The following SPEM2 variants were observed in gnomAD, a reference collection of about 807,000 sequenced individuals.
The protein encoded by SPEM2 is SPEM family member 2.
In SPEM2, 15 loss-of-function variants were observed where a neutral mutation model predicts 9.3. The ratio of observed to expected loss-of-function variants is 1.62; its 90% CI spans 1.08 to 2.50. The LOEUF (loss-of-function observed/expected upper bound fraction) is 2.50, where lower values mean the gene tolerates loss of function less well. Ranked by LOEUF, SPEM2 falls within the 30% of genes most tolerant of loss-of-function variation. The pLI, the probability that SPEM2 is intolerant of heterozygous loss-of-function variation, is 0.00. For synonymous variants in SPEM2, 268 were observed against 272.4 expected (o/e 0.98, Z 0.16); for missense variants, 678 against 690.0 (o/e 0.98, Z 0.19).
rs576664450 is a variant in SPEM2, at chr17:7,426,787, C to T, written c.796C>T (p.Arg266Ter). Residue 266 changes from arginine to a stop codon, truncating the protein, a stop_gained, in exon 3 of 3, where the codon CGA becomes TGA. Coordinates refer to ENST00000333870, the MANE Select transcript of SPEM2 (RefSeq NM_175734.5). LOFTEE classifies it low-confidence loss of function (END_TRUNC). This position sits in a 1 kb window ranked among gnomAD's most constrained non-coding sequence, Gnocchi z 5.3. ...QSYGRHGSQS[R>*]LWGNVEAEQW... ...CTATGGGCGCCACGGTTCCCAATCCCGACTGTGGGGCAATGTGGAGGCTGA... is the reference window on the plus strand; with the variant it reads ...CTATGGGCGCCACGGTTCCCAATCCTGACTGTGGGGCAATGTGGAGGCTGA... The T allele has an allele frequency of 1.2e-5, 20 of 1,602,922 alleles. No individual in the cohort carries two copies. Among genetic ancestry groups the T allele is most frequent in the African/African-American group, 6.7e-5 (5 of 74,900 alleles).
rs1380672095 is a variant in SPEM2, at chr17:7,426,391, T to TGTCGCCGTC, written c.402_410dup (p.Arg135_Arg137dup). The TGTCGCCGTC allele has an allele frequency of 4.3e-6, 7 of 1,613,578 alleles. No individual in the cohort carries two copies. The East Asian group carries it at 8.9e-5, about 21-fold the overall frequency. On this transcript the variant is annotated inframe_insertion, in exon 3 of 3. Transcript: ENST00000333870. This position sits in a 1 kb window ranked among gnomAD's most constrained non-coding sequence, Gnocchi z 5.3. ...TCGCCGCCGCCGCCGCCACCGCCGT[T>TGTCGCCGTC]GTCGCCGTCGCTGCTGCAACCACCA...
Position 7,426,019 on chromosome 17 carries a change from A to C in SPEM2, c.165A>C (p.Leu55Phe). The C allele has an allele frequency of 6.2e-7, 1 of 1,614,202 alleles. No homozygotes were observed. ...TMMWHGLQNA[L>F]DKMIDWATQK... ...TGTGGCATGGACTCCAGAACGCCTT[A>C]GACAAGATGATTGATTGGGCTACTC... The change falls in exon 2 of 3, where the codon TTA becomes TTC. Residue 55 changes from leucine (L) to phenylalanine (F), a missense_variant. By Grantham distance (22) the Leu-to-Phe change is conservative. Transcript: ENST00000333870. The surrounding 1 kb of genome is among the most constrained non-coding windows in gnomAD (Gnocchi z 5.3).
chr17:7,426,096 T>G lies in SPEM2; in HGVS notation c.196+46T>G. 1 of 1,613,508 alleles carries G rather than the reference T, an allele frequency of 6.2e-7. No homozygotes were observed. Among genetic ancestry groups the G allele is most frequent in the Non-Finnish European group, 8.5e-7 (1 of 1,179,466 alleles). ...GGTAGGGGACCCCCATCCCCACCCC[T>G]GACAATGGCCCTAGAAACCCAGGCC... On this transcript the variant is annotated intron_variant, in intron 2 of 2. Coordinates refer to ENST00000333870, the MANE Select transcript of SPEM2 (RefSeq NM_175734.5). This position sits in a 1 kb window ranked among gnomAD's most constrained non-coding sequence, Gnocchi z 5.3.
chr17:7,426,214 C>T lies in SPEM2; in HGVS notation c.223C>T (p.Pro75Ser). Residue 75 changes from proline (P) to serine (S), a missense_variant, in exon 3 of 3, where the codon CCA becomes TCA. By Grantham distance (74) the Pro-to-Ser change is moderately conservative. Coordinates refer to ENST00000333870, the MANE Select transcript of SPEM2 (RefSeq NM_175734.5). The surrounding 1 kb of genome is among the most constrained non-coding windows in gnomAD (Gnocchi z 5.3). ...TGAAATTCAGGCCAGTGAAAGTCCC[C>T]CAAGTGGTCCCCCAGACAAGGCTCA... Reference protein sequence around the residue: ...KNEIQASESPPSGPPDKAQDV... With the variant: ...KNEIQASESPSSGPPDKAQDV... 1 of 1,613,854 alleles carries T rather than the reference C, an allele frequency of 6.2e-7. No individual in the cohort carries two copies. Among genetic ancestry groups the T allele is most frequent in the Non-Finnish European group, 8.5e-7 (1 of 1,179,818 alleles).
In SPEM2 at chr17:7,426,838, C is replaced by T. The variant is rs751238521; in HGVS notation, c.847C>T (p.Pro283Ser). The T allele has an allele frequency of 3.7e-6, 6 of 1,609,804 alleles. No homozygotes were observed. The African/African-American group carries it at 8.0e-5, about 21-fold the overall frequency. ...AEQWASSPPPPHRLPPNPSWV... is the reference protein window; with the variant it reads ...AEQWASSPPPSHRLPPNPSWV... ...GCAGTGGGCCTCGTCTCCACCACCT[C>T]CCCACCGGCTGCCCCCTAACCCCTC... is the stretch of plus-strand genomic sequence containing the variant. The change falls in exon 3 of 3, where the codon CCC (proline) becomes TCC (serine). Residue 283 changes from proline (P) to serine (S), a missense_variant. By Grantham distance (74) the Pro-to-Ser change is moderately conservative. Transcript: ENST00000333870. The surrounding 1 kb of genome is among the most constrained non-coding windows in gnomAD (Gnocchi z 5.3).
chr17:7,427,067 A>T lies in SPEM2; in HGVS notation c.1076A>T (p.Gln359Leu). Residue 359 changes from glutamine to leucine, a missense_variant, in exon 3 of 3, where the codon CAG becomes CTG. Gln to Leu is a moderately radical substitution (Grantham distance 113). Coordinates refer to ENST00000333870, the MANE Select transcript of SPEM2 (RefSeq NM_175734.5). The surrounding 1 kb of genome is among the most constrained non-coding windows in gnomAD (Gnocchi z 5.4). ...QQSLLGHAYG[Q>L]SHRSPHPSTE... ...AGCCTGCTTGGTCACGCCTATGGCC[A>T]GTCCCACCGCAGTCCCCACCCATCC... 1 of 1,613,050 alleles carries T rather than the reference A, an allele frequency of 6.2e-7. No homozygotes were observed. Among genetic ancestry groups the T allele is most frequent in the Non-Finnish European group, 8.5e-7 (1 of 1,179,902 alleles).
chr17:7,426,763 T>G lies in SPEM2; in HGVS notation c.772T>G (p.Tyr258Asp). The G allele has an allele frequency of 6.2e-7, 1 of 1,604,884 alleles. No homozygotes were observed. The highest frequency in any genetic ancestry group is 8.5e-7 in the Non-Finnish European group (1 of 1,174,810). ...EARSELRLQSYGRHGSQSRLW... is the reference protein window; with the variant it reads ...EARSELRLQSDGRHGSQSRLW... ...CAGGTCTGAGCTGAGGCTGCAGTCC[T>G]ATGGGCGCCACGGTTCCCAATCCCG... The change falls in exon 3 of 3, where the codon TAT becomes GAT. Residue 258 changes from tyrosine to aspartate, a missense_variant. Coordinates refer to ENST00000333870, the MANE Select transcript of SPEM2 (RefSeq NM_175734.5). This position sits in a 1 kb window ranked among gnomAD's most constrained non-coding sequence, Gnocchi z 5.3.
chr17:7,427,251 A>C lies in SPEM2; in HGVS notation c.1260A>C (p.Ser420=), dbSNP rs755897756. The part of the protein sequence containing the change: ...ASHQRTPAPS[S]VLVPHSSQPW... ...ATCAACGGACCCCAGCTCCAAGCTC[A>C]GTGCTGGTCCCCCATTCCTCCCAGC... Residue 420 remains serine, a synonymous_variant, in exon 3 of 3, where the codon TCA becomes TCC. Coordinates refer to ENST00000333870, the MANE Select transcript of SPEM2 (RefSeq NM_175734.5). This position sits in a 1 kb window ranked among gnomAD's most constrained non-coding sequence, Gnocchi z 5.4. 3.7e-6 allele frequency: 6 copies of C among 1,614,172 alleles called. No individual in the cohort carries two copies. Among genetic ancestry groups the C allele is most frequent in the Non-Finnish European group, 5.1e-6 (6 of 1,180,014 alleles).
At position 7,427,525 on chromosome 17, in the gene SPEM2, A is replaced by G. The variant is rs552378300; in HGVS notation, c.*28A>G. ...AGCAGGCGGATGTGGGGTGTGGGGC[A>G]GGGCATGGAGGGAGAGGAATAAAGA... is the stretch of plus-strand genomic sequence containing the variant. On this transcript the variant is annotated 3_prime_UTR_variant, in exon 3 of 3. Coordinates refer to ENST00000333870, the MANE Select transcript of SPEM2 (RefSeq NM_175734.5). This position sits in a 1 kb window ranked among gnomAD's most constrained non-coding sequence, Gnocchi z 5.4. 6.5e-7 allele frequency: 1 copy of G among 1,534,368 alleles called. No individual in the cohort carries two copies. The highest frequency in any genetic ancestry group is 8.8e-7 in the Non-Finnish European group (1 of 1,141,124).
At position 7,426,071 on chromosome 17, in the gene SPEM2, G is replaced by A; in HGVS notation, c.196+21G>A. The A allele has an allele frequency of 6.2e-7, 1 of 1,614,146 alleles. No homozygotes were observed. Among genetic ancestry groups the A allele is most frequent in the Non-Finnish European group, 8.5e-7 (1 of 1,180,010 alleles). The stretch of plus-strand genomic sequence containing the variant: ...GAAAAGTAAGTGTGGCTGCTGGAGA[G>A]GTAGGGGACCCCCATCCCCACCCCT... On this transcript the variant is annotated intron_variant, in intron 2 of 2. Transcript: ENST00000333870. The surrounding 1 kb of genome is among the most constrained non-coding windows in gnomAD (Gnocchi z 5.3).
In SPEM2 at chr17:7,427,102, T is replaced by G; in HGVS notation, c.1111T>G (p.Leu371Val). The G allele has an allele frequency of 6.2e-7, 1 of 1,613,588 alleles. No individual in the cohort carries two copies. Among genetic ancestry groups the G allele is most frequent in the Non-Finnish European group, 8.5e-7 (1 of 1,179,854 alleles). ...CAGTCCCCACCCATCCACGGAACCC[T>G]TGGGCTACAGCTCCCAGGACCCCCG... ...HRSPHPSTEP[L>V]GYSSQDPREV... is the part of the protein sequence containing the mutation. The change falls in exon 3 of 3, where the codon TTG becomes GTG. Residue 371 changes from leucine (L) to valine (V), a missense_variant. Coordinates refer to ENST00000333870, the MANE Select transcript of SPEM2 (RefSeq NM_175734.5). The surrounding 1 kb of genome is among the most constrained non-coding windows in gnomAD (Gnocchi z 5.4).
Position 7,426,365 on chromosome 17 carries a change from G to A in SPEM2, c.374G>A (p.Arg125His), listed in dbSNP as rs193081398. ...AGTAGCAGTCTTCTTCGCTGTGTTC[G>A]TCGCCGCCGCCGCCGCCACCGCCGT... ...HHSSSLLRCVRRRRRRHRRCR... is the reference protein window; with the variant it reads ...HHSSSLLRCVHRRRRRHRRCR... Residue 125 changes from arginine (R) to histidine (H), a missense_variant, in exon 3 of 3, where the codon CGT becomes CAT. Arg to His is a conservative substitution (Grantham distance 29). Transcript: ENST00000333870. The surrounding 1 kb of genome is among the most constrained non-coding windows in gnomAD (Gnocchi z 5.3). 1.3e-3 allele frequency: 2,064 copies of A among 1,613,498 alleles called. 14 individuals carry two copies. The highest frequency in any genetic ancestry group is 9.6e-3 in the Middle Eastern group (58 of 6,062).
Position 7,427,418 on chromosome 17 carries a change from G to A in SPEM2, c.1427G>A (p.Arg476Lys). 1.9e-6 allele frequency: 3 copies of A among 1,611,822 alleles called. No individual in the cohort carries two copies. Among genetic ancestry groups the A allele is most frequent in the Non-Finnish European group, 2.5e-6 (3 of 1,178,634 alleles). Residue 476 changes from arginine (R) to lysine (K), a missense_variant, in exon 3 of 3, where the codon AGG becomes AAG. Arg to Lys is a conservative substitution (Grantham distance 26). Coordinates refer to ENST00000333870, the MANE Select transcript of SPEM2 (RefSeq NM_175734.5). The surrounding 1 kb of genome is among the most constrained non-coding windows in gnomAD (Gnocchi z 5.4). ...LKRQVQKSRARSSSLPPASTS... is the reference protein window; with the variant it reads ...LKRQVQKSRAKSSSLPPASTS... ...CGGCAGGTGCAGAAGAGCAGAGCCA[G>A]GTCCAGCTCACTGCCACCGGCTTCC... is the stretch of plus-strand genomic sequence containing the variant.
In SPEM2 at chr17:7,426,467, G is replaced by C; in HGVS notation, c.476G>C (p.Arg159Pro). Residue 159 changes from arginine (R) to proline (P), a missense_variant, in exon 3 of 3, where the codon CGT becomes CCT. Coordinates refer to ENST00000333870, the MANE Select transcript of SPEM2 (RefSeq NM_175734.5). This position sits in a 1 kb window ranked among gnomAD's most constrained non-coding sequence, Gnocchi z 5.3. ...ATCCCCCATAGCCACTCAGTCTTCCGTAACCCACATCGCAGCCAAAAGATG... is the reference window on the plus strand; with the variant it reads ...ATCCCCCATAGCCACTCAGTCTTCCCTAACCCACATCGCAGCCAAAAGATG... Reference protein sequence around the residue: ...RQIPHSHSVFRNPHRSQKMSQ... With the variant: ...RQIPHSHSVFPNPHRSQKMSQ... The C allele has an allele frequency of 6.2e-7, 1 of 1,613,884 alleles. No individual in the cohort carries two copies. The highest frequency in any genetic ancestry group is 1.1e-5 in the South Asian group (1 of 91,084).
rs766560012 is a variant in SPEM2, at chr17:7,426,961, C to T, written c.970C>T (p.Pro324Ser). 8 of 1,612,190 alleles carry T rather than the reference C, an allele frequency of 5.0e-6. No homozygotes were observed. In the African/African-American group the frequency reaches 5.3e-5, roughly 11 times the overall value. Residue 324 changes from proline (P) to serine (S), a missense_variant, in exon 3 of 3, where the codon CCC becomes TCC. By Grantham distance (74) the Pro-to-Ser change is moderately conservative (BLOSUM62 -1). Coordinates refer to ENST00000333870, the MANE Select transcript of SPEM2 (RefSeq NM_175734.5). The surrounding 1 kb of genome is among the most constrained non-coding windows in gnomAD (Gnocchi z 5.3). ...RRRGTEGFER[P>S]PASVSRNARP... ...TCGTGGCACGGAGGGCTTTGAGCGC[C>T]CCCCTGCCTCGGTGTCCCGGAACGC...
Position 7,426,001 on chromosome 17 carries a change from T to C in SPEM2, c.147T>C (p.His49=), listed in dbSNP as rs1294798288. The C allele has an allele frequency of 1.2e-6, 2 of 1,614,172 alleles. No individual in the cohort carries two copies. Among genetic ancestry groups the C allele is most frequent in the Non-Finnish European group, 8.5e-7 (1 of 1,180,026 alleles). Residue 49 remains histidine, a synonymous_variant, in exon 2 of 3, where the codon CAT becomes CAC. Coordinates refer to ENST00000333870, the MANE Select transcript of SPEM2 (RefSeq NM_175734.5). This position sits in a 1 kb window ranked among gnomAD's most constrained non-coding sequence, Gnocchi z 5.3. ...IGINVATMMW[H]GLQNALDKMI... ...CTTCCACCCTGCCCCAGATGTGGCATGGACTCCAGAACGCCTTAGACAAGA... is the reference window on the plus strand; with the variant it reads ...CTTCCACCCTGCCCCAGATGTGGCACGGACTCCAGAACGCCTTAGACAAGA...
In SPEM2 at chr17:7,426,614, A is replaced by AGAGAGCG. The variant is rs775151792; in HGVS notation, c.625_631dup (p.Gly211GlufsTer31). 92 of 1,613,936 alleles carry AGAGAGCG rather than the reference A, an allele frequency of 5.7e-5. No individual in the cohort carries two copies. The highest frequency in any genetic ancestry group is 7.7e-5 in the Non-Finnish European group (91 of 1,179,956). Reference sequence around the variant, plus strand: ...CGTCGCGGCTGGGGCGGGTTTTATCAGAGAGCGGGCCTGCCCTCCAATGTG... The same window carrying AGAGAGCG: ...CGTCGCGGCTGGGGCGGGTTTTATCAGAGAGCGGAGAGCGGGCCTGCCCTCCAATGTG... On this transcript the variant is annotated frameshift_variant, in exon 3 of 3. Transcript: ENST00000333870. LOFTEE classifies it low-confidence loss of function (END_TRUNC). This position sits in a 1 kb window ranked among gnomAD's most constrained non-coding sequence, Gnocchi z 5.3.
At position 7,427,307 on chromosome 17, in the gene SPEM2, C is replaced by A; in HGVS notation, c.1316C>A (p.Ala439Asp). ...CCCAAAGTCCAGGCTGCGGACCCTG[C>A]CCCTCCCCCGACCATGTTTGTCCCA... Reference protein sequence around the residue: ...PWPKVQAADPAPPPTMFVPLS... With the variant: ...PWPKVQAADPDPPPTMFVPLS... Residue 439 changes from alanine to aspartate, a missense_variant, in exon 3 of 3, where the codon GCC (alanine) becomes GAC (aspartate). Ala to Asp is a moderately radical substitution (Grantham distance 126). Transcript: ENST00000333870. This position sits in a 1 kb window ranked among gnomAD's most constrained non-coding sequence, Gnocchi z 5.4. 6.2e-7 allele frequency: 1 copy of A among 1,614,018 alleles called. No homozygotes were observed. The highest frequency in any genetic ancestry group is 8.5e-7 in the Non-Finnish European group (1 of 1,179,944).
rs368209752 is a variant in SPEM2 at position 7,426,499 on chromosome 17, C to T, written c.508C>T (p.Leu170=). The part of the protein sequence containing the change: ...NPHRSQKMSQ[L]HRVPFFDQED... ...ACATCGCAGCCAAAAGATGTCACAACTACACCGAGTGCCTTTCTTTGATCA... is the reference window on the plus strand; with the variant it reads ...ACATCGCAGCCAAAAGATGTCACAATTACACCGAGTGCCTTTCTTTGATCA... Residue 170 remains leucine (L), a synonymous_variant, in exon 3 of 3, where the codon CTA becomes TTA. Transcript: ENST00000333870. This position sits in a 1 kb window ranked among gnomAD's most constrained non-coding sequence, Gnocchi z 5.3. 8 of 1,613,980 alleles carry T rather than the reference C, an allele frequency of 5.0e-6. No homozygotes were observed. The African/African-American group carries it at 1.1e-4, about 22-fold the overall frequency.
Sources: gnomAD v4.1 joint callset for allele counts on GRCh38, gnomAD v4.1.1 for gene constraint, Gnocchi (gnomAD v3.1) non-coding constraint, MANE v1.5 for transcripts, NCBI Gene and HGNC (gene_info 2026-07-23, HGNC 2026-07-21) for gene names.